SAMD5: variants seen among roughly 807,000 people sequenced by gnomAD.
The protein encoded by SAMD5 is sterile alpha motif domain-containing protein 5.
SAMD5 carries 13 observed loss-of-function variants against 11.3 expected under a neutral mutation model. That is an observed-to-expected ratio of 1.15 (90% CI 0.75 to 1.83). The LOEUF (loss-of-function observed/expected upper bound fraction) is 1.83, where lower values mean the gene tolerates loss of function less well. Ranked by LOEUF, SAMD5 falls within the 40% of genes most tolerant of loss-of-function variation. The pLI, the probability that SAMD5 is intolerant of heterozygous loss-of-function variation, is 0.00. For missense variants in SAMD5, 255 were observed against 239.1 expected (o/e 1.07, Z -0.44); for synonymous variants, 129 against 111.3 (o/e 1.16, Z -1.00).
chr6:147,641,845 T>C (rs1790317241), intron 1 of SAMD5, among the ~76,000 whole-genome samples: 1 of 152,206 alleles, frequency 6.6e-6, no homozygotes, highest in African/African-American at 2.4e-5. Context: ...TGTTTGTTTC[T>C]TTAGAGTTTG....
chr6:147,596,376 A>G (rs748695850), intron 1 of SAMD5, among the ~76,000 whole-genome samples: 16 of 152,220 alleles, frequency 1.1e-4, no homozygotes, highest in Non-Finnish European at 1.9e-4. Context: ...ATTTTTAAAC[A>G]TTGATTTAAA....
chr6:147,891,852 G>A, the SAMD5 span, among the ~76,000 whole-genome samples: 3 of 152,044 alleles, frequency 2.0e-5, no homozygotes, highest in African/African-American at 4.8e-5. Flanking sequence ...GTGGCCAGAC[G>A]TGCCTGGAAA....
At chr6:147,848,739 G>T in the SAMD5 span, among the ~76,000 whole-genome samples, 21 of 152,300 alleles carry the variant, frequency 1.4e-4, no homozygotes, top group Non-Finnish European at 2.6e-4. Flanking sequence ...GCCACACGTT[G>T]TGAGACATGA....
intron 1 of SAMD5, among the ~76,000 whole-genome samples, chr6:147,594,877 TTAAC>T (rs1789506839): frequency 6.6e-6 from 1 of 152,228 alleles, no homozygotes; most frequent in Non-Finnish European, 1.5e-5. Context: ...TATCATTTTA[TTAAC>T]TATTTGTATA....
chr6:147,716,542 G>A (rs1008746231), intron 1 of SAMD5, among the ~76,000 whole-genome samples: 9 of 152,188 alleles, frequency 5.9e-5, no homozygotes, highest in East Asian at 1.9e-4. Flanking sequence ...CTGCAGACAC[G>A]GCTGGGCAGC....
intron 1 of SAMD5, among the ~76,000 whole-genome samples, chr6:147,601,080 C>A (rs1427622392): frequency 6.6e-6 from 1 of 152,152 alleles, no homozygotes; most frequent in Non-Finnish European, 1.5e-5. Context: ...GATTTATTAG[C>A]TTTCTATTGG....
At chr6:147,756,721 GTTCC>G in the SAMD5 span, among the ~76,000 whole-genome samples, 1 of 152,118 alleles carries the variant, frequency 6.6e-6, no homozygotes, top group Non-Finnish European at 1.5e-5. Context: ...GCAGTTATTT[GTTCC>G]TTCCTTTAGT....
chr6:147,908,736 C>A, the SAMD5 span, among the ~76,000 whole-genome samples: 1 of 152,158 alleles, frequency 6.6e-6, no homozygotes, highest in Admixed American at 6.5e-5. Flanking sequence ...GGAAAGAGAT[C>A]GTTGTCAGGA....
chr6:147,926,322 C>T, the SAMD5 span, among the ~76,000 whole-genome samples: 1 of 152,016 alleles, frequency 6.6e-6, no homozygotes, highest in African/African-American at 2.4e-5. Context: ...TAAGAATTCT[C>T]TTCTCTGCAA....
At chr6:147,770,731 A>T in the SAMD5 span, among the ~76,000 whole-genome samples, 1 of 152,220 alleles carries the variant, frequency 6.6e-6, no homozygotes, top group South Asian at 2.1e-4. Flanking sequence ...TTATAATTAT[A>T]GGCATTTGAA....
intron 1 of SAMD5, among the ~76,000 whole-genome samples, chr6:147,650,918 A>T (rs1790474341): frequency 6.6e-6 from 1 of 151,868 alleles, no homozygotes; most frequent in Non-Finnish European, 1.5e-5. Context: ...GCTTTTAGGC[A>T]TATTTAAAGC....
At chr6:147,891,661 GA>G in the SAMD5 span, among the ~76,000 whole-genome samples, 1 of 152,040 alleles carries the variant, frequency 6.6e-6, no homozygotes, top group South Asian at 2.1e-4. Context: ...TCGAATGTAA[GA>G]AAATGTAGTT....
the SAMD5 span, among the ~76,000 whole-genome samples, chr6:147,863,896 T>A: frequency 6.9e-6 from 1 of 144,764 alleles, no homozygotes; most frequent in Non-Finnish European, 1.5e-5. Context: ...CAGGCTGGAG[T>A]CCAGTGGCAC....
the SAMD5 span, among the ~76,000 whole-genome samples, chr6:147,773,285 G>A: frequency 6.6e-6 from 1 of 152,194 alleles, no homozygotes; most frequent in Non-Finnish European, 1.5e-5. Context: ...GTATCTGGAT[G>A]TCCAGGCAGA....
At chr6:147,923,916 C>A in the SAMD5 span, among the ~76,000 whole-genome samples, 1 of 152,144 alleles carries the variant, frequency 6.6e-6, no homozygotes, top group Non-Finnish European at 1.5e-5. Flanking sequence ...TCTTTGCTAG[C>A]AGGAACCTGG....
chr6:147,513,887 C>T (rs368900495), intron 1 of SAMD5, among the ~76,000 whole-genome samples: 9 of 152,178 alleles, frequency 5.9e-5, no homozygotes, highest in South Asian at 2.1e-4. Flanking sequence ...GTAACCATGC[C>T]GTCGAGGACC....
the SAMD5 span, among the ~76,000 whole-genome samples, chr6:147,911,966 C>T: frequency 6.6e-5 from 10 of 152,106 alleles, no homozygotes; most frequent in South Asian, 2.1e-4. Flanking sequence ...CATCATGCTA[C>T]GACAGATTTT....
chr6:147,679,836 T>G (rs1790916317), intron 1 of SAMD5, among the ~76,000 whole-genome samples: 1 of 151,802 alleles, frequency 6.6e-6, no homozygotes, highest in Non-Finnish European at 1.5e-5. Context: ...GGTATCCAAT[T>G]GTTTCAGCAC....
the SAMD5 span, among the ~76,000 whole-genome samples, chr6:147,825,284 G>A: frequency 6.6e-6 from 1 of 152,154 alleles, no homozygotes. Context: ...AGGACAGAGT[G>A]AGACTCCGTC....
Sources: allele counts gnomAD v4.1 joint callset (sites outside exome capture counted in the v4.1 genomes callset), GRCh38; gene constraint gnomAD v4.1.1; transcripts MANE v1.5; gene names NCBI Gene and HGNC (gene_info 2026-07-23, HGNC 2026-07-21).